ANGPT1: variants seen among roughly 807,000 people sequenced by gnomAD.
ANGPT1 encodes angiopoietin 1, also known as angiopoietin-1.
Under a neutral mutation model 62.2 loss-of-function variants are expected in ANGPT1, and 17 were observed. The ratio of observed to expected loss-of-function variants is 0.27; its 90% CI spans 0.19 to 0.41. The LOEUF (loss-of-function observed/expected upper bound fraction) is 0.41, where lower values mean the gene tolerates loss of function less well. ANGPT1 is among the 10% of genes least tolerant of loss of function. The pLI is 1.00. For missense variants in ANGPT1, 478 were observed against 594.9 expected, an observed-to-expected ratio of 0.80 and a Z score of 2.04; for synonymous variants, 199 against 198.9, an observed-to-expected ratio of 1.00 and a Z score of 0.00.
chr8:107,281,010 C>G (rs1813991407), intron 7 of ANGPT1, among the ~76,000 whole-genome samples: 1 of 152,174 alleles, frequency 6.6e-6, no homozygotes. Flanking sequence ...CTATGCTTAT[C>G]ATGACACTCT....
intron 1 of ANGPT1, among the ~76,000 whole-genome samples, chr8:107,394,596 A>G (rs1410666483): frequency 1.3e-5 from 2 of 152,268 alleles, no homozygotes; most frequent in African/African-American, 4.8e-5. Flanking sequence ...GCTTTTTCTC[A>G]CTTGTGAAAA....
At chr8:107,351,086 A>G (rs1815921992) in intron 1 of ANGPT1, among the ~76,000 whole-genome samples, 1 of 152,168 alleles carries the variant, frequency 6.6e-6, no homozygotes, top group Non-Finnish European at 1.5e-5. Flanking sequence ...GTTGCTGACC[A>G]CAAGAGCTAA....
intron 1 of ANGPT1, among the ~76,000 whole-genome samples, chr8:107,375,558 A>G (rs1344547889): frequency 6.6e-6 from 1 of 152,196 alleles, no homozygotes; most frequent in African/African-American, 2.4e-5. Flanking sequence ...TTAGTATTTT[A>G]CCATCCTCCT....
intron 1 of ANGPT1, among the ~76,000 whole-genome samples, chr8:107,432,522 C>G (rs545104004): frequency 6.6e-6 from 1 of 151,892 alleles, no homozygotes; most frequent in Non-Finnish European, 1.5e-5. Context: ...AAATTAGCCA[C>G]GCATGGTGGC....
intron 1 of ANGPT1, among the ~76,000 whole-genome samples, chr8:107,439,817 G>C (rs55721534): frequency 6.6e-6 from 1 of 152,056 alleles, no homozygotes; most frequent in African/African-American, 2.4e-5. Context: ...GGCTCACCAG[G>C]AGGCCCTTAA....
chr8:107,479,031 G>A lies in ANGPT1; in HGVS notation c.297+18231C>T, dbSNP rs374848124. 5.1e-4 allele frequency among the ~76,000 whole-genome samples: 77 copies of A among 152,184 alleles called. 1 individual carries two copies. In the South Asian group the frequency reaches 0.016, roughly 31 times the overall value. On this transcript the variant is annotated intron_variant, in intron 1 of 8. Transcript: ENST00000517746. The stretch of plus-strand genomic sequence containing the variant: ...GGGGTCACTGAAGACATGATCTTTC[G>A]TCAGAGGGTCCCGGATTGGAGTGTC...
chr8:107,471,151 C>A (rs922158150), intron 1 of ANGPT1, among the ~76,000 whole-genome samples: 1 of 152,120 alleles, frequency 6.6e-6, no homozygotes, highest in East Asian at 1.9e-4. Context: ...AACCCAAATG[C>A]CCATCAATGA....
chr8:107,463,187 A>T (rs965732641), intron 1 of ANGPT1, among the ~76,000 whole-genome samples: 3 of 152,118 alleles, frequency 2.0e-5, no homozygotes, highest in African/African-American at 7.2e-5. Context: ...AATGTTGGAG[A>T]GGCCCATATG....
intron 4 of ANGPT1, among the ~76,000 whole-genome samples, chr8:107,314,032 G>A (rs1446123540): frequency 3.3e-5 from 5 of 152,082 alleles, no homozygotes; most frequent in Admixed American, 6.6e-5. Flanking sequence ...TATCTTATCC[G>A]TGACTAATGT....
intron 5 of ANGPT1, among the ~76,000 whole-genome samples, chr8:107,301,702 C>T (rs1202021638): frequency 1.3e-5 from 2 of 151,884 alleles, no homozygotes; most frequent in Non-Finnish European, 2.9e-5. Flanking sequence ...TGCCTGTCCT[C>T]CCTCCTGTGC....
intron 1 of ANGPT1, among the ~76,000 whole-genome samples, chr8:107,415,860 T>G (rs1268885802): frequency 1.3e-5 from 2 of 152,110 alleles, no homozygotes; most frequent in Non-Finnish European, 2.9e-5. Flanking sequence ...GGGCTCCCCC[T>G]TGCAAAGTAA....
chr8:107,492,643 T>C (rs1812993563), intron 1 of ANGPT1, among the ~76,000 whole-genome samples: 1 of 137,024 alleles, frequency 7.3e-6, no homozygotes, highest in Non-Finnish European at 1.6e-5. Context: ...GGCCAATATG[T>C]ACCCATTTCA....
intron 1 of ANGPT1, among the ~76,000 whole-genome samples, chr8:107,453,292 A>C (rs1052718735): frequency 2.6e-5 from 4 of 152,028 alleles, no homozygotes; most frequent in African/African-American, 9.7e-5. Context: ...ACCATTTTTA[A>C]GTTTATATTA....
intron 1 of ANGPT1, among the ~76,000 whole-genome samples, chr8:107,487,489 C>T (rs541571609): frequency 1.3e-4 from 19 of 151,878 alleles, no homozygotes; most frequent in Non-Finnish European, 1.9e-4. Flanking sequence ...TCATATAAGG[C>T]CTAACATTGG....
chr8:107,367,721 A>G (rs1209628176), intron 1 of ANGPT1, among the ~76,000 whole-genome samples: 1 of 152,224 alleles, frequency 6.6e-6, no homozygotes, highest in Admixed American at 6.5e-5. Context: ...TCATTTCAAC[A>G]ATGTTCATGG....
intron 5 of ANGPT1, among the ~76,000 whole-genome samples, chr8:107,300,141 A>G (rs940119845): frequency 1.4e-5 from 2 of 146,700 alleles, no homozygotes; most frequent in Non-Finnish European, 3.0e-5. Flanking sequence ...ATAGTATAGT[A>G]TACATCTATA....
chr8:107,398,979 G>T (rs1816990985), intron 1 of ANGPT1, among the ~76,000 whole-genome samples: 1 of 152,086 alleles, frequency 6.6e-6, no homozygotes, highest in African/African-American at 2.4e-5. Flanking sequence ...AAATATAAAA[G>T]AAATTAGAAA....
At chr8:107,324,205 G>GTATATGTATATATGTA (rs1554582613) in intron 3 of ANGPT1, among the ~76,000 whole-genome samples, 1 of 118,984 alleles carries the variant, frequency 8.4e-6, no homozygotes, top group South Asian at 3.0e-4. Flanking sequence ...GTATATATAT[G>GTATATGTATATATGTA]TATATATATA....
chr8:107,479,490 A>C (rs1388398911), intron 1 of ANGPT1, among the ~76,000 whole-genome samples: 1 of 152,322 alleles, frequency 6.6e-6, no homozygotes, highest in Non-Finnish European at 1.5e-5. Flanking sequence ...TCACTTAAGA[A>C]GGGGAAAATC....
Sources: gnomAD v4.1 joint callset for allele counts (sites outside exome capture counted in the v4.1 genomes callset) on GRCh38, gnomAD v4.1.1 for gene constraint, MANE v1.5 for transcripts, NCBI Gene and HGNC (gene_info 2026-07-23, HGNC 2026-07-21) for gene names.